Variants in SPTLC3 observed in about 807,000 individuals in gnomAD.
SPTLC3 encodes the protein serine palmitoyltransferase long chain base subunit 3, also known as serine palmitoyltransferase 3.
SPTLC3 carries 36 observed loss-of-function variants against 59.3 expected under a neutral mutation model. The ratio of observed to expected loss-of-function variants is 0.61; its 90% CI spans 0.47 to 0.80. SPTLC3 has a LOEUF of 0.80. Among genes scored for constraint, SPTLC3 ranks in the 30% least tolerant of loss-of-function variants. The pLI is 0.00. For missense variants in SPTLC3, 625 were observed against 685.1 expected (o/e 0.91, Z 0.98); for synonymous variants, 257 against 240.8 (o/e 1.07, Z -0.62).
chr20:13,109,969 TC>T (rs1406253182), intron 6 of SPTLC3, 142 bp from the exon 7 acceptor site: 1 of 618,288 alleles, frequency 1.6e-6, no homozygotes, highest in Non-Finnish European at 2.7e-6. Flanking sequence ...TCTGTCTCTC[TC>T]TCCCTAAGGG....
intron 1 of SPTLC3, among the ~76,000 whole-genome samples, chr20:13,009,859 G>A (rs1449111094): frequency 6.6e-6 from 1 of 152,102 alleles, no homozygotes; most frequent in Non-Finnish European, 1.5e-5. Flanking sequence ...AGTTATTATT[G>A]GTGTGTAGTG....
chr20:13,053,988 A>T (rs966915183), intron 2 of SPTLC3, among the ~76,000 whole-genome samples: 13 of 152,202 alleles, frequency 8.5e-5, no homozygotes, highest in Non-Finnish European at 1.5e-4. Context: ...CCAGGAGAAA[A>T]ATGTTTAACC....
intron 8 of SPTLC3, among the ~76,000 whole-genome samples, chr20:13,122,956 C>T (rs369861519): frequency 4.2e-4 from 64 of 152,290 alleles, no homozygotes; most frequent in African/African-American, 1.5e-3. Context: ...GAAACAGAGA[C>T]ACTCCAAGAA....
intron 9 of SPTLC3, 150 bp from the exon 10 acceptor site, chr20:13,153,853 T>A: frequency 9.7e-7 from 1 of 1,027,712 alleles, no homozygotes. Context: ...CCACACCTGC[T>A]CCCCAGGAGA....
At chr20:13,027,870 C>A (rs985588644) in intron 1 of SPTLC3, among the ~76,000 whole-genome samples, 2 of 152,138 alleles carry the variant, frequency 1.3e-5, no homozygotes, top group Admixed American at 1.3e-4. Flanking sequence ...TTCTACAAAT[C>A]TCTCTTAAAC....
intron 1 of SPTLC3, among the ~76,000 whole-genome samples, chr20:13,044,505 A>G (rs1987143634): frequency 6.6e-6 from 1 of 152,180 alleles, no homozygotes; most frequent in Non-Finnish European, 1.5e-5. Flanking sequence ...GTCTGGACAA[A>G]TCCAGCAAGG....
chr20:13,026,226 C>G (rs1986138405), intron 1 of SPTLC3, among the ~76,000 whole-genome samples: 1 of 152,134 alleles, frequency 6.6e-6, no homozygotes. Flanking sequence ...CAATTTATAT[C>G]CCTTTGGGCA....
intron 1 of SPTLC3, among the ~76,000 whole-genome samples, chr20:13,047,331 C>A (rs1410432452): frequency 6.6e-6 from 1 of 151,958 alleles, no homozygotes; most frequent in Admixed American, 6.6e-5. Flanking sequence ...CTAGGAGAAT[C>A]GTCAAAACAG....
chr20:13,018,726 T>G (rs1985693402), intron 1 of SPTLC3, among the ~76,000 whole-genome samples: 1 of 152,202 alleles, frequency 6.6e-6, no homozygotes, highest in African/African-American at 2.4e-5. Flanking sequence ...TGAGGTAAAT[T>G]GATATTAACC....
chr20:13,123,106 G>A (rs549703945), intron 8 of SPTLC3, among the ~76,000 whole-genome samples: 10 of 152,228 alleles, frequency 6.6e-5, no homozygotes, highest in South Asian at 2.1e-4. Context: ...CAAGGCCGGC[G>A]GATTACCAGA....
intron 9 of SPTLC3, among the ~76,000 whole-genome samples, 174 bp downstream of exon 9, chr20:13,126,891 A>C (rs1207963631): frequency 6.6e-6 from 1 of 152,276 alleles, no homozygotes; most frequent in African/African-American, 2.4e-5. Context: ...ACCCTTTGTT[A>C]AAGCAAAGAA....
intron 1 of SPTLC3, among the ~76,000 whole-genome samples, chr20:13,031,110 A>G (rs1157424575): frequency 6.6e-6 from 1 of 152,136 alleles, no homozygotes; most frequent in Non-Finnish European, 1.5e-5. Context: ...ACAAATGGAT[A>G]CAGCTGGGTT....
intron 6 of SPTLC3, among the ~76,000 whole-genome samples, chr20:13,103,293 T>C (rs915298039): frequency 6.6e-6 from 1 of 152,206 alleles, no homozygotes; most frequent in African/African-American, 2.4e-5. Flanking sequence ...CCCACCACCA[T>C]CTTAAAAGTA....
chr20:13,100,360 C>T (rs1035457385), intron 6 of SPTLC3, among the ~76,000 whole-genome samples: 2 of 152,096 alleles, frequency 1.3e-5, no homozygotes, highest in Non-Finnish European at 2.9e-5. Context: ...GGAGCAAAAT[C>T]AGAACACCGA....
rs759053565 is a variant in SPTLC3 at position 13,110,202 on chromosome 20, T to C, written c.917T>C (p.Val306Ala). 6.2e-7 allele frequency: 1 copy of C among 1,613,526 alleles called. No homozygotes were observed. Among genetic ancestry groups the C allele is most frequent in the Non-Finnish European group, 8.5e-7 (1 of 1,179,700 alleles). ...RRAWKKILIL[V>A]EGVYSMEGSI... ...GCTTGGAAAAAGATTCTCATCCTGG[T>C]GGAGGGTGTCTACAGGTATGTAAAT... is the stretch of plus-strand genomic sequence containing the variant. Residue 306 changes from valine (V) to alanine (A), a missense_variant, in exon 7 of 12, where the codon GTG becomes GCG. Physicochemically the swap from Val to Ala is moderately conservative, Grantham distance 64. Transcript: ENST00000399002.
intron 1 of SPTLC3, 133 bp from the exon 2 acceptor site, chr20:13,048,812 G>A (rs1987342800): frequency 1.3e-6 from 1 of 779,298 alleles, no homozygotes; most frequent in Non-Finnish European, 1.9e-6. Context: ...CTCTTCAATG[G>A]TCAGTTTCTA....
chr20:13,131,332 G>A (rs923295696), intron 9 of SPTLC3, among the ~76,000 whole-genome samples: 1 of 152,160 alleles, frequency 6.6e-6, no homozygotes, highest in East Asian at 1.9e-4. Context: ...GTGCTCTGCA[G>A]TGGTGCCCGG....
chr20:13,099,801 A>G lies in SPTLC3; in HGVS notation c.826+6224A>G, dbSNP rs116589400. On this transcript the variant is annotated intron_variant, in intron 6 of 11. Coordinates refer to ENST00000399002, the MANE Select transcript of SPTLC3 (RefSeq NM_018327.4). ...ATGCAGTGATGTCTTAATCCTTCAT[A>G]TGCATCCACACAGATTGGACTGATA... Among the ~76,000 whole-genome samples the G allele has an allele frequency of 4.5e-3, 687 of 152,278 alleles. 3 individuals are homozygous for G. The highest frequency in any genetic ancestry group is 0.016 in the African/African-American group (663 of 41,566).
chr20:13,098,223 C>A (rs892943609), intron 6 of SPTLC3, among the ~76,000 whole-genome samples: 1 of 151,902 alleles, frequency 6.6e-6, no homozygotes, highest in African/African-American at 2.4e-5. Context: ...GGGAGAATAC[C>A]CTATTCTTAA....
Sources: allele counts gnomAD v4.1 joint callset (sites outside exome capture counted in the v4.1 genomes callset), GRCh38; gene constraint gnomAD v4.1.1; transcripts MANE v1.5; gene names NCBI Gene and HGNC (gene_info 2026-07-23, HGNC 2026-07-21).